The following PPM1E variants were observed in gnomAD, a reference collection of about 807,000 sequenced individuals.
The protein encoded by PPM1E is protein phosphatase, Mg2+/Mn2+ dependent 1E, also known as protein phosphatase 1E.
A neutral mutation model predicts 65.9 loss-of-function variants in PPM1E; 20 were observed. That is an observed-to-expected ratio of 0.30 (90% CI 0.21 to 0.44). The LOEUF is 0.44. PPM1E is among the 20% of genes least tolerant of loss of function. The pLI is 1.00. For missense variants in PPM1E, 713 were observed against 953.1 expected (o/e 0.75, Z 3.32); for synonymous variants, 352 against 374.9 (o/e 0.94, Z 0.70).
chr17:58,971,680 T>G (rs984445410), intron 4 of PPM1E, among the ~76,000 whole-genome samples: 1 of 152,246 alleles, frequency 6.6e-6, no homozygotes, highest in Non-Finnish European at 1.5e-5. Flanking sequence ...TATATCATTT[T>G]ATACAGCTAG....
chr17:58,828,487 G>A (rs924734699), intron 1 of PPM1E, among the ~76,000 whole-genome samples: 2 of 151,900 alleles, frequency 1.3e-5, no homozygotes, highest in African/African-American at 4.8e-5. Flanking sequence ...TTTTTAAGAT[G>A]GAGTTTCACT....
intron 2 of PPM1E, among the ~76,000 whole-genome samples, chr17:58,959,124 C>T (rs188431520): frequency 6.6e-6 from 1 of 151,782 alleles, no homozygotes; most frequent in African/African-American, 2.4e-5. Context: ...GCCTGGCCAA[C>T]ATAGTGAAAC....
At chr17:58,966,418 TAAAAA>T (rs55779609) in intron 3 of PPM1E, 180 of 122,282 alleles carry the variant, frequency 1.5e-3, no homozygotes, top group South Asian at 3.5e-3. Flanking sequence ...AGCAGTTTTG[TAAAAA>T]AAAAAAAAAA....
chr17:58,977,356 T>C (rs2031068379), intron 6 of PPM1E, among the ~76,000 whole-genome samples: 1 of 151,372 alleles, frequency 6.6e-6, no homozygotes, highest in Non-Finnish European at 1.5e-5. Flanking sequence ...GGCAGGAGAA[T>C]TGCTTGAATC....
At chr17:58,814,185 A>G (rs972534774) in intron 1 of PPM1E, among the ~76,000 whole-genome samples, 1 of 152,216 alleles carries the variant, frequency 6.6e-6, no homozygotes, top group South Asian at 2.1e-4. Context: ...TTCTAAGTTG[A>G]TTCTAGAAAA....
chr17:58,868,568 C>CTTTTTT (rs533820677), intron 1 of PPM1E, among the ~76,000 whole-genome samples: 1 of 128,314 alleles, frequency 7.8e-6, no homozygotes, highest in Non-Finnish European at 1.6e-5. Flanking sequence ...AATGTCCAGG[C>CTTTTTT]TTTTTTTTTT....
intron 3 of PPM1E, chr17:58,966,418 TAA>T (rs55779609): frequency 0.19 from 22,732 of 122,190 alleles, 1,423 homozygotes; most frequent in Non-Finnish European, 0.22. Flanking sequence ...AGCAGTTTTG[TAA>T]AAAAAAAAAA....
rs1426309314 is a variant in PPM1E at position 58,851,225 on chromosome 17, C to G, written c.464+94764C>G. Among the ~76,000 whole-genome samples, 3 of 152,156 alleles carry G rather than the reference C, an allele frequency of 2.0e-5. No homozygotes were observed. In the East Asian group the frequency reaches 5.8e-4, roughly 29 times the overall value. On this transcript the variant is annotated intron_variant, in intron 1 of 6. Transcript: ENST00000308249. The stretch of plus-strand genomic sequence containing the variant: ...CTTCCTGGAGATGGGTTCGAACACC[C>G]TCCTGTAGCTCGGAGAAGTTTGTTA...
chr17:58,787,922 GAAAA>G (rs2050118134), intron 1 of PPM1E, among the ~76,000 whole-genome samples: 1 of 140,534 alleles, frequency 7.1e-6, no homozygotes, highest in Non-Finnish European at 1.6e-5. Flanking sequence ...AAAAAAAAAA[GAAAA>G]GAAAGAAAAA....
chr17:58,937,134 A>T (rs987231510), intron 1 of PPM1E, among the ~76,000 whole-genome samples: 9 of 152,212 alleles, frequency 5.9e-5, no homozygotes, highest in Admixed American at 2.0e-4. Flanking sequence ...AATACAAAAA[A>T]AAAAAATAAA....
At chr17:58,894,822 C>G (rs967771188) in intron 1 of PPM1E, among the ~76,000 whole-genome samples, 1 of 151,842 alleles carries the variant, frequency 6.6e-6, no homozygotes, top group Non-Finnish European at 1.5e-5. Context: ...GAAATTTATT[C>G]GAGTTGATGT....
At chr17:58,975,021 T>C (rs2030907250) in intron 6 of PPM1E, among the ~76,000 whole-genome samples, 1 of 152,212 alleles carries the variant, frequency 6.6e-6, no homozygotes, top group Non-Finnish European at 1.5e-5. Context: ...ATTATTATTA[T>C]TATTATTGGT....
intron 1 of PPM1E, among the ~76,000 whole-genome samples, chr17:58,828,212 C>T (rs1403271405): frequency 6.6e-6 from 1 of 151,116 alleles, no homozygotes; most frequent in Non-Finnish European, 1.5e-5. Context: ...CAGTCTCAAT[C>T]TCAAATAGTA....
chr17:58,927,920 C>T (rs1352246516), intron 1 of PPM1E, among the ~76,000 whole-genome samples: 1 of 151,774 alleles, frequency 6.6e-6, no homozygotes, highest in Non-Finnish European at 1.5e-5. Flanking sequence ...ATGAGCTGGG[C>T]GTGATGGTGG....
chr17:58,926,836 G>A (rs1226421332), intron 1 of PPM1E, among the ~76,000 whole-genome samples: 1 of 152,014 alleles, frequency 6.6e-6, no homozygotes, highest in East Asian at 1.9e-4. Context: ...ATTAATTAAA[G>A]CAACCTAATT....
rs376848001 is a variant in PPM1E at position 58,777,478 on chromosome 17, T to A, written c.464+21017T>A. ...AGTAGAAAAAGAATGCATCACTTTT[T>A]ATAAACAAAATATTTTTCTTTTCTA... On this transcript the variant is annotated intron_variant, in intron 1 of 6. Coordinates refer to ENST00000308249, the MANE Select transcript of PPM1E (RefSeq NM_014906.5). Among the ~76,000 whole-genome samples, 40 of 152,304 alleles carry A rather than the reference T, an allele frequency of 2.6e-4. No homozygotes were observed. The South Asian group carries it at 5.6e-3, about 21-fold the overall frequency.
rs1171366402 is a variant in PPM1E, at chr17:58,980,233, C to A, written c.1470C>A (p.Asp490Glu). Residue 490 changes from aspartate (D) to glutamate (E), a missense_variant, in exon 7 of 7, where the codon GAC becomes GAA. Physicochemically the swap from Asp to Glu is conservative, Grantham distance 45. This residue lies in a region of PPM1E where 286 missense variants were observed against 313.8 expected (regional missense o/e 0.91). Transcript: ENST00000308249. The surrounding 1 kb of genome is among the most constrained non-coding windows in gnomAD (Gnocchi z 4.7). ...CGGTTATTGTGGTATTCCTGAGGGA[C>A]ATGAACAAAGCTGTAAATGTTAGTG... ...NITVIVVFLR[D>E]MNKAVNVSEE... The A allele has an allele frequency of 2.5e-6, 4 of 1,614,134 alleles. No homozygotes were observed. Among genetic ancestry groups the A allele is most frequent in the Admixed American group, 3.3e-5 (2 of 60,016 alleles).
Position 58,756,333 on chromosome 17 carries a change from G to C in PPM1E, c.336G>C (p.Ser112=). Residue 112 remains serine (S), a synonymous_variant, in exon 1 of 7, where the codon TCG becomes TCC. Transcript: ENST00000308249. Reference sequence around the variant, plus strand: ...CGGCGGCGGCAGCCCCGGGGCACTCGGCCGTGCCGCCGCCGCCGCCCCAGC... The same window carrying C: ...CGGCGGCGGCAGCCCCGGGGCACTCCGCCGTGCCGCCGCCGCCGCCCCAGC... ...AATAAAAPGH[S]AVPPPPPQLP... 1 of 1,397,252 alleles carries C rather than the reference G, an allele frequency of 7.2e-7. No homozygotes were observed. Among genetic ancestry groups the C allele is most frequent in the Non-Finnish European group, 9.3e-7 (1 of 1,080,208 alleles). 86.6% of individuals were successfully genotyped at this position (1,397,252 alleles called of 1,614,324 possible).
chr17:58,760,127 C>T (rs1294918290), intron 1 of PPM1E, among the ~76,000 whole-genome samples: 1 of 152,166 alleles, frequency 6.6e-6, no homozygotes, highest in East Asian at 1.9e-4. Flanking sequence ...TTTTAATATT[C>T]TGCCTACCCC....
Sources: allele counts gnomAD v4.1 joint callset (sites outside exome capture counted in the v4.1 genomes callset), GRCh38; gene constraint gnomAD v4.1.1; regional missense constraint gnomAD v4.1.1; non-coding constraint Gnocchi (gnomAD v3.1); transcripts MANE v1.5; gene names NCBI Gene and HGNC (gene_info 2026-07-23, HGNC 2026-07-21).